AFTPH: variants seen among roughly 807,000 people sequenced by gnomAD.
AFTPH encodes the protein aftiphilin protein.
A neutral mutation model predicts 72.5 loss-of-function variants in AFTPH; 7 were observed. That is an observed-to-expected ratio of 0.10 (90% CI 0.05 to 0.18). AFTPH has a LOEUF of 0.18. Among genes scored for constraint, AFTPH ranks in the 10% least tolerant of loss-of-function variants. The pLI is 1.00. For synonymous variants in AFTPH, 337 were observed against 370.1 expected (o/e 0.91, Z 1.03); for missense variants, 979 against 1,060.5 (o/e 0.92, Z 1.07).
chr2:64,576,435 T>C (rs569165967), intron 6 of AFTPH, among the ~76,000 whole-genome samples: 2 of 152,256 alleles, frequency 1.3e-5, no homozygotes, highest in Admixed American at 1.3e-4. Context: ...ATTGATCTTA[T>C]AACTATTGCA....
intron 1 of AFTPH, among the ~76,000 whole-genome samples, chr2:64,529,633 CTTT>C (rs66889509): frequency 7.0e-6 from 1 of 142,698 alleles, no homozygotes; most frequent in Non-Finnish European, 1.5e-5. Context: ...AAACAAATCA[CTTT>C]TTTTTTTTTT....
At chr2:64,525,916 G>T (rs1669233532) in intron 1 of AFTPH, among the ~76,000 whole-genome samples, 1 of 152,110 alleles carries the variant, frequency 6.6e-6, no homozygotes, top group African/African-American at 2.4e-5. Context: ...AAAACATCTA[G>T]CCCAGTAAAT....
chr2:64,560,406 T>C (rs1021360236), intron 2 of AFTPH, among the ~76,000 whole-genome samples: 7 of 152,016 alleles, frequency 4.6e-5, no homozygotes, highest in African/African-American at 1.7e-4. Context: ...TATAAAGACA[T>C]TCAAGGTAAT....
At chr2:64,536,840 T>G (rs1669918300) in intron 1 of AFTPH, among the ~76,000 whole-genome samples, 1 of 150,232 alleles carries the variant, frequency 6.7e-6, no homozygotes. Flanking sequence ...GTAGTCCCAG[T>G]TATTTGGGTG....
At chr2:64,524,369 C>T (rs766593623) in exon 1 of AFTPH, 26 of 402,366 alleles carry the variant, frequency 6.5e-5, no homozygotes, top group Non-Finnish European at 9.6e-5. Flanking sequence ...GGGGGGTCTC[C>T]GCGGAGGAGG....
At chr2:64,561,357 A>G (rs77461188) in intron 2 of AFTPH, among the ~76,000 whole-genome samples, 1 of 152,286 alleles carries the variant, frequency 6.6e-6, no homozygotes, top group Non-Finnish European at 1.5e-5. Context: ...TCCTCTTTAT[A>G]CTTTGAAGAT....
Position 64,535,835 on chromosome 2 carries a change from C to T in AFTPH, c.-33+11223C>T, listed in dbSNP as rs535309624. On this transcript the variant is annotated intron_variant, in intron 1 of 8. Coordinates refer to ENST00000238856, the Ensembl canonical transcript of AFTPH. Reference sequence around the variant, plus strand: ...CAGAGGTAATTTTGTCTGGCTGGAACAAAGAGGGAGTATCTTAGCCATGTT... The same window carrying T: ...CAGAGGTAATTTTGTCTGGCTGGAATAAAGAGGGAGTATCTTAGCCATGTT... Among the ~76,000 whole-genome samples, 19 of 152,234 alleles carry T rather than the reference C, an allele frequency of 1.2e-4. No individual in the cohort carries two copies. The South Asian group carries it at 3.9e-3, about 32-fold the overall frequency.
intron 1 of AFTPH, among the ~76,000 whole-genome samples, chr2:64,539,168 T>G (rs146912156): frequency 6.6e-6 from 1 of 152,272 alleles, no homozygotes; most frequent in East Asian, 1.9e-4. Context: ...TTGCAAAATC[T>G]TCTGTGGGAA....
At chr2:64,572,910 C>T in intron 5 of AFTPH, 36 bp from the exon 6 acceptor site, 1 of 1,612,992 alleles carries the variant, frequency 6.2e-7, no homozygotes, top group African/African-American at 1.3e-5. Context: ...GGCTGTGCAC[C>T]CCCATCCCCA....
At chr2:64,575,087 A>C (rs1672680269) in intron 6 of AFTPH, among the ~76,000 whole-genome samples, 1 of 151,564 alleles carries the variant, frequency 6.6e-6, no homozygotes, top group Non-Finnish European at 1.5e-5. Flanking sequence ...AACCCCATAA[A>C]CTATTGCTTA....
intron 3 of AFTPH, among the ~76,000 whole-genome samples, chr2:64,568,732 C>G (rs530502401): frequency 1.3e-4 from 20 of 152,312 alleles, no homozygotes; most frequent in Non-Finnish European, 2.1e-4. Flanking sequence ...GCCTCAGCCT[C>G]CCGAGTAGCT....
exon 2 of AFTPH, chr2:64,551,591 T>G: frequency 6.2e-7 from 1 of 1,614,140 alleles, no homozygotes; most frequent in South Asian, 1.1e-5. Context: ...AAGTTAGCCC[T>G]TCTGGTGTAG....
At chr2:64,569,350 A>G (rs1407524886) in intron 4 of AFTPH, 132 bp downstream of exon 4, 6 of 1,217,712 alleles carry the variant, frequency 4.9e-6, no homozygotes, top group Non-Finnish European at 6.8e-6. Context: ...GTTCACTTAT[A>G]TTGAATGTGC....
intron 1 of AFTPH, among the ~76,000 whole-genome samples, chr2:64,542,669 C>T (rs541489787): frequency 4.6e-5 from 7 of 150,826 alleles, no homozygotes; most frequent in African/African-American, 1.7e-4. Context: ...TTATATAAGT[C>T]AAGTTTTATA....
In AFTPH at chr2:64,569,693, T is replaced by C; in HGVS notation, c.2271+14T>C. 6.2e-7 allele frequency: 1 copy of C among 1,611,248 alleles called. No homozygotes were observed. The highest frequency in any genetic ancestry group is 1.1e-5 in the South Asian group (1 of 91,018). ...GCAGCAGGATTGGTAAGTACAAAAA[T>C]CTCTCTGCATGTATTTATCATTACT... On this transcript the variant is annotated intron_variant, in intron 5 of 8. Coordinates refer to ENST00000238856, the Ensembl canonical transcript of AFTPH.
At chr2:64,586,111 C>G (rs1396866017) in intron 8 of AFTPH, among the ~76,000 whole-genome samples, 1 of 152,150 alleles carries the variant, frequency 6.6e-6, no homozygotes, top group Admixed American at 6.5e-5. Flanking sequence ...GAATGTCACT[C>G]GGGCCATGTG....
chr2:64,536,114 G>A (rs943289752), intron 1 of AFTPH, among the ~76,000 whole-genome samples: 11 of 152,200 alleles, frequency 7.2e-5, no homozygotes, highest in Admixed American at 2.0e-4. Context: ...GAATTCAGTC[G>A]TGGAATTGGA....
intron 1 of AFTPH, among the ~76,000 whole-genome samples, chr2:64,549,566 C>T (rs1670903092): frequency 6.6e-6 from 1 of 151,788 alleles, no homozygotes; most frequent in Non-Finnish European, 1.5e-5. Context: ...AGCAATCTGC[C>T]CACCTCAGCC....
chr2:64,558,611 C>G (rs1452505661), intron 2 of AFTPH, among the ~76,000 whole-genome samples: 1 of 152,216 alleles, frequency 6.6e-6, no homozygotes, highest in Non-Finnish European at 1.5e-5. Context: ...CAAAAATGAT[C>G]TAAGGAGCAC....
Sources: allele counts gnomAD v4.1 joint callset (sites outside exome capture counted in the v4.1 genomes callset), GRCh38; gene constraint gnomAD v4.1.1; transcripts MANE v1.5; gene names NCBI Gene and HGNC (gene_info 2026-07-23, HGNC 2026-07-21).